Variants in LGR4 observed in about 807,000 individuals in gnomAD.
LGR4 encodes leucine-rich repeat-containing G protein-coupled receptor 4.
LGR4 carries 44 observed loss-of-function variants against 84.8 expected under a neutral mutation model. The ratio of observed to expected loss-of-function variants is 0.52; its 90% CI spans 0.41 to 0.67. The LOEUF (loss-of-function observed/expected upper bound fraction) is 0.67, where lower values mean the gene tolerates loss of function less well. LGR4 is among the 30% of genes least tolerant of loss of function. The pLI, the probability that LGR4 is intolerant of heterozygous loss-of-function variation, is 0.00. For synonymous variants in LGR4, 429 were observed against 434.3 expected (o/e 0.99, Z 0.15); for missense variants, 1,032 against 1,131.4 (o/e 0.91, Z 1.26).
chr11:27,404,454 T>G (rs1863564375), intron 2 of LGR4, among the ~76,000 whole-genome samples: 1 of 152,240 alleles, frequency 6.6e-6, no homozygotes, highest in African/African-American at 2.4e-5. Context: ...AATAATACTT[T>G]GTTCATTTCA....
intron 6 of LGR4, among the ~76,000 whole-genome samples, chr11:27,382,766 C>T (rs1174003742): frequency 6.6e-6 from 1 of 152,128 alleles, no homozygotes; most frequent in Non-Finnish European, 1.5e-5. Flanking sequence ...TGCCTGTAAT[C>T]CCAGCACTTT....
chr11:27,415,788 G>C (rs954725419), intron 1 of LGR4, among the ~76,000 whole-genome samples: 18 of 152,182 alleles, frequency 1.2e-4, no homozygotes, highest in Middle Eastern at 3.4e-3. Context: ...CTGGAAACCT[G>C]TAGTTACAGA....
At chr11:27,465,214 G>A (rs1304340671) in intron 1 of LGR4, among the ~76,000 whole-genome samples, 1 of 152,134 alleles carries the variant, frequency 6.6e-6, no homozygotes, top group Non-Finnish European at 1.5e-5. Flanking sequence ...GCCACAGGAG[G>A]GTGGTTCAAT....
chr11:27,373,909 TA>T (rs1287336948), intron 14 of LGR4, 65 bp downstream of exon 14: 1 of 1,182,828 alleles, frequency 8.5e-7, no homozygotes, highest in Admixed American at 1.7e-5. Context: ...TCGACAATGT[TA>T]AAACAGATGT....
intron 2 of LGR4, among the ~76,000 whole-genome samples, chr11:27,400,481 G>A (rs1307992109): frequency 2.0e-5 from 3 of 151,656 alleles, no homozygotes; most frequent in Non-Finnish European, 4.4e-5. Flanking sequence ...AAACAAAAAA[G>A]TGTTGTTTTG....
intron 1 of LGR4, among the ~76,000 whole-genome samples, chr11:27,422,180 T>C (rs1863933742): frequency 6.6e-6 from 1 of 152,196 alleles, no homozygotes; most frequent in Non-Finnish European, 1.5e-5. Context: ...TTGGAAACAC[T>C]CAATTACTTC....
chr11:27,403,488 A>G (rs1863544085), intron 2 of LGR4, among the ~76,000 whole-genome samples: 1 of 152,196 alleles, frequency 6.6e-6, no homozygotes, highest in Non-Finnish European at 1.5e-5. Flanking sequence ...ACACCACCAC[A>G]AAGCAAGAGA....
chr11:27,466,481 C>T (rs1340777569), intron 1 of LGR4, among the ~76,000 whole-genome samples: 1 of 152,188 alleles, frequency 6.6e-6, no homozygotes. Flanking sequence ...GCTGCCAGTA[C>T]TTTCCATTAT....
chr11:27,420,386 C>A (rs1437488733), intron 1 of LGR4, among the ~76,000 whole-genome samples: 2 of 152,186 alleles, frequency 1.3e-5, no homozygotes, highest in South Asian at 2.1e-4. Context: ...GAGACACAGT[C>A]TCTACCCTCA....
intron 1 of LGR4, among the ~76,000 whole-genome samples, chr11:27,443,149 G>T (rs990918368): frequency 1.3e-5 from 2 of 152,156 alleles, no homozygotes; most frequent in African/African-American, 4.8e-5. Context: ...AAGGCCTAGA[G>T]TCTTACTGAA....
At position 27,371,601 on chromosome 11, in the gene LGR4, T is replaced by C. The variant is rs1415007475; in HGVS notation, c.1579+14A>G. ...TTTAACATGGGTAACTGTGAAAAAA[T>C]AGGCCAGGCATACCTGTTGAAGGTG... On this transcript the variant is annotated intron_variant, in intron 17 of 17. Transcript: ENST00000379214. The C allele has an allele frequency of 2.0e-5, 32 of 1,583,712 alleles. No homozygotes were observed. The highest frequency in any genetic ancestry group is 2.5e-5 in the Non-Finnish European group (29 of 1,155,338).
intron 2 of LGR4, among the ~76,000 whole-genome samples, chr11:27,396,455 C>T (rs1443172270): frequency 6.6e-6 from 1 of 152,136 alleles, no homozygotes; most frequent in Non-Finnish European, 1.5e-5. Flanking sequence ...TCCCTGAGTG[C>T]CCAAAGGTAG....
At chr11:27,434,902 C>T (rs761470614) in intron 1 of LGR4, among the ~76,000 whole-genome samples, 8 of 152,106 alleles carry the variant, frequency 5.3e-5, no homozygotes, top group Admixed American at 6.5e-5. Context: ...TAAAAGATGG[C>T]CCCTTAAAGT....
chr11:27,464,520 T>C (rs919089015), intron 1 of LGR4, among the ~76,000 whole-genome samples: 1 of 152,158 alleles, frequency 6.6e-6, no homozygotes, highest in Admixed American at 6.5e-5. Context: ...TAAAACTCTT[T>C]AGGGGAGTTT....
At chr11:27,408,441 TCTA>T (rs1863652264) in intron 2 of LGR4, among the ~76,000 whole-genome samples, 1 of 152,166 alleles carries the variant, frequency 6.6e-6, no homozygotes, top group South Asian at 2.1e-4. Flanking sequence ...GGCAATGGCT[TCTA>T]CTGCTGTTGC....
At chr11:27,395,942 G>T (rs1863383984) in intron 2 of LGR4, among the ~76,000 whole-genome samples, 1 of 152,096 alleles carries the variant, frequency 6.6e-6, no homozygotes, top group South Asian at 2.1e-4. Flanking sequence ...TAAATAAATA[G>T]CAAGGTTAGG....
chr11:27,385,777 T>C (rs996519379), intron 4 of LGR4, among the ~76,000 whole-genome samples: 3 of 149,438 alleles, frequency 2.0e-5, no homozygotes, highest in African/African-American at 7.4e-5. Context: ...GCAAAGTTCA[T>C]ATTGAAATTA....
intron 1 of LGR4, among the ~76,000 whole-genome samples, chr11:27,414,737 G>A (rs1030294330): frequency 6.7e-6 from 1 of 149,818 alleles, no homozygotes; most frequent in Non-Finnish European, 1.5e-5. Context: ...AGATACTGGA[G>A]AAATGGCACC....
intron 1 of LGR4, among the ~76,000 whole-genome samples, chr11:27,430,766 C>T (rs1411294741): frequency 6.6e-6 from 1 of 152,110 alleles, no homozygotes; most frequent in Non-Finnish European, 1.5e-5. Flanking sequence ...TCAAAGCAAT[C>T]TTTTTAAAAC....
Sources: allele counts gnomAD v4.1 joint callset (sites outside exome capture counted in the v4.1 genomes callset), GRCh38; gene constraint gnomAD v4.1.1; transcripts MANE v1.5; gene names NCBI Gene and HGNC (gene_info 2026-07-23, HGNC 2026-07-21).